The following CACNA2D4 variants were observed in gnomAD, a reference collection of about 807,000 sequenced individuals.
CACNA2D4 encodes voltage-dependent calcium channel subunit alpha-2/delta-4.
In CACNA2D4, 157 loss-of-function variants were observed where a neutral mutation model predicts 163.8. The observed-to-expected ratio is 0.96, with a 90% CI of 0.84 to 1.09. The LOEUF (loss-of-function observed/expected upper bound fraction) is 1.09, where lower values mean the gene tolerates loss of function less well. CACNA2D4 is among the 50% of genes least tolerant of loss of function. The pLI, the probability that CACNA2D4 is intolerant of heterozygous loss-of-function variation, is 0.00. For synonymous variants in CACNA2D4, 598 were observed against 586.9 expected (o/e 1.02, Z -0.27); for missense variants, 1,410 against 1,479.9 (o/e 0.95, Z 0.78).
chr12:1,884,818 C>T lies in CACNA2D4; in HGVS notation c.1222G>A (p.Val408Met), dbSNP rs201412060. The change falls in exon 11 of 38, where the codon GTG becomes ATG. Residue 408 changes from valine (V) to methionine (M), a missense_variant. Val to Met is a conservative substitution (Grantham distance 21, BLOSUM62 1). Coordinates refer to ENST00000382722, the MANE Select transcript of CACNA2D4 (RefSeq NM_172364.5). The part of the protein sequence containing the change: ...QAIMLISDGA[V>M]EDYEPVFEKY... ...TCAAACACCGGCTCGTAGTCCTCCACGGCGCCGTCGCTGATGAGCATGATG... is the reference window on the plus strand; with the variant it reads ...TCAAACACCGGCTCGTAGTCCTCCATGGCGCCGTCGCTGATGAGCATGATG... The T allele has an allele frequency of 1.2e-5, 20 of 1,613,760 alleles. No homozygotes were observed. Among genetic ancestry groups the T allele is most frequent in the East Asian group, 6.7e-5 (3 of 44,858 alleles).
At position 1,793,697 on chromosome 12, in the gene CACNA2D4, C is replaced by T; in HGVS notation, c.3372G>A (p.Leu1124=). The T allele has an allele frequency of 6.2e-7, 1 of 1,613,798 alleles. No homozygotes were observed. Among genetic ancestry groups the T allele is most frequent in the Non-Finnish European group, 8.5e-7 (1 of 1,179,906 alleles). Residue 1124 remains leucine, a synonymous_variant, in exon 38 of 38, where the codon CTG becomes CTA. Coordinates refer to ENST00000382722, the MANE Select transcript of CACNA2D4 (RefSeq NM_172364.5). ...DTSASPPLLL[L]PVCAWGLLPQ... ...GCAGTAGCCCCCAGGCACACACAGGCAGCAGGAGTAGGGGCGGCGAGGCTG... is the reference window on the plus strand; with the variant it reads ...GCAGTAGCCCCCAGGCACACACAGGTAGCAGGAGTAGGGGCGGCGAGGCTG...
rs539541332 is a variant in CACNA2D4, at chr12:1,883,312, G to C, written c.1352-312C>G. Reference sequence around the variant, plus strand: ...GTCAGCCTCTCCCTCTCCCAGCCTCGCCCTCCCACTTCCTCACAGGAACAT... The same window carrying C: ...GTCAGCCTCTCCCTCTCCCAGCCTCCCCCTCCCACTTCCTCACAGGAACAT... On this transcript the variant is annotated intron_variant, in intron 12 of 37. Transcript: ENST00000382722. This position sits in a 1 kb window ranked among gnomAD's most constrained non-coding sequence, Gnocchi z 4.5. Among the ~76,000 whole-genome samples the C allele has an allele frequency of 5.0e-4, 76 of 152,252 alleles. No homozygotes were observed. Among genetic ancestry groups the C allele is most frequent in the Non-Finnish European group, 9.1e-4 (62 of 68,004 alleles).
intron 18 of CACNA2D4, among the ~76,000 whole-genome samples, chr12:1,866,915 G>C (rs953213347): frequency 2.0e-5 from 3 of 151,794 alleles, no homozygotes; most frequent in African/African-American, 7.3e-5. Flanking sequence ...TTACAGGTGT[G>C]AGCTACTGCC....
chr12:1,793,413 CATGTTGAGACCTAGGGCAG>C lies in CACNA2D4; in HGVS notation c.*223_*241del, dbSNP rs1863029917. The C allele has an allele frequency of 6.8e-6, 4 of 584,950 alleles. No homozygotes were observed. Among genetic ancestry groups the C allele is most frequent in the Admixed American group, 5.9e-5 (2 of 34,118 alleles). The allele number at this position is 584,950 out of a possible 1,614,324, so 36.2% of individuals were successfully genotyped here. A position where few individuals can be genotyped will look rare whatever the true frequency, so the allele number is the denominator to read the frequency against. The stretch of plus-strand genomic sequence containing the variant: ...AGGAAGGTTAGGTCAGAAGTATGCT[CATGTTGAGACCTAGGGCAG>C]ATGGTACCGGGCACCATGAAGCATC... On this transcript the variant is annotated 3_prime_UTR_variant, in exon 38 of 38. Coordinates refer to ENST00000382722, the MANE Select transcript of CACNA2D4 (RefSeq NM_172364.5).
At position 1,913,083 on chromosome 12, in the gene CACNA2D4, C is replaced by G. The variant is rs1381412961; in HGVS notation, c.366G>C (p.Leu122=). ...LKIEEVDGLE[L]VRKFSEDMEN... ...CCATGTCCTCTGAGAACTTCCTCAC[C>G]AGCTCCAAGCCATCCACCTCCTCGA... is the stretch of plus-strand genomic sequence containing the variant. Residue 122 remains leucine, a synonymous_variant, in exon 3 of 38, where the codon CTG becomes CTC. Transcript: ENST00000382722. 6.2e-7 allele frequency: 1 copy of G among 1,613,932 alleles called. No individual in the cohort carries two copies. Among genetic ancestry groups the G allele is most frequent in the Non-Finnish European group, 8.5e-7 (1 of 1,179,848 alleles).
At chr12:1,854,794 A>G (rs931653968) in intron 22 of CACNA2D4, among the ~76,000 whole-genome samples, 4 of 152,172 alleles carry the variant, frequency 2.6e-5, no homozygotes, top group Admixed American at 2.6e-4. Context: ...TCTTTTTCCC[A>G]GTCTTTGCAT....
chr12:1,813,833 G>T (rs1863790726), intron 26 of CACNA2D4, among the ~76,000 whole-genome samples: 1 of 152,186 alleles, frequency 6.6e-6, no homozygotes, highest in Non-Finnish European at 1.5e-5. Flanking sequence ...TGACAAAGAT[G>T]AGAGCTGCAG....
intron 26 of CACNA2D4, among the ~76,000 whole-genome samples, chr12:1,826,410 C>CCCCCT (rs1555177897): frequency 1.3e-5 from 1 of 79,246 alleles, no homozygotes; most frequent in African/African-American, 3.5e-5. Flanking sequence ...GCCCCCCCCC[C>CCCCCT]CCCCCCGCCA....
At position 1,811,692 on chromosome 12, in the gene CACNA2D4, G is replaced by A; in HGVS notation, c.2583C>T (p.Leu861=). 1.3e-6 allele frequency: 2 copies of A among 1,561,538 alleles called. No homozygotes were observed. The highest frequency in any genetic ancestry group is 1.4e-5 in the African/African-American group (1 of 73,462). ...AAGVQMKLEF[L]QRKFWAATRQ... is the part of the protein sequence containing the mutation. ...GCGTTGCCGCCCAGAATTTGCGCTG[G>A]AGGAATTCCAGCTTCATTTGGACGC... is the stretch of plus-strand genomic sequence containing the variant. The change falls in exon 27 of 38, where the codon CTC becomes CTT. Residue 861 remains leucine (L), a synonymous_variant. Coordinates refer to ENST00000382722, the MANE Select transcript of CACNA2D4 (RefSeq NM_172364.5).
intron 1 of CACNA2D4, among the ~76,000 whole-genome samples, chr12:1,915,546 G>A (rs1411349623): frequency 1.3e-5 from 2 of 152,210 alleles, no homozygotes; most frequent in Non-Finnish European, 2.9e-5. Context: ...GGGGGCTGCC[G>A]AACCCTCTGT....
At chr12:1,859,538 C>A (rs572587821) in intron 19 of CACNA2D4, among the ~76,000 whole-genome samples, 1 of 152,200 alleles carries the variant, frequency 6.6e-6, no homozygotes, top group Non-Finnish European at 1.5e-5. Context: ...TACAGTTGCA[C>A]GGAACCTGAG....
intron 26 of CACNA2D4, among the ~76,000 whole-genome samples, chr12:1,819,053 C>T (rs1265851636): frequency 1.3e-5 from 2 of 150,424 alleles, no homozygotes; most frequent in Admixed American, 6.6e-5. Flanking sequence ...AAAGCTCCTG[C>T]ACAACATGAG....
Position 1,884,923 on chromosome 12 carries a change from C to T in CACNA2D4, c.1159-42G>A, listed in dbSNP as rs368904600. 103 of 1,599,514 alleles carry T rather than the reference C, an allele frequency of 6.4e-5. 1 individual carries two copies. The highest frequency in any genetic ancestry group is 2.8e-4 in the Admixed American group (17 of 59,978). Reference sequence around the variant, plus strand: ...AGTGCCCATGACCACAGGCCAAGCCCACCCCCCTCCACCTGCCGCCTTCCT... The same window carrying T: ...AGTGCCCATGACCACAGGCCAAGCCTACCCCCCTCCACCTGCCGCCTTCCT... On this transcript the variant is annotated intron_variant, in intron 10 of 37. Coordinates refer to ENST00000382722, the MANE Select transcript of CACNA2D4 (RefSeq NM_172364.5).
chr12:1,795,588 G>C, intron 36 of CACNA2D4, 80 bp downstream of exon 36: 1 of 1,065,790 alleles, frequency 9.4e-7, no homozygotes, highest in Non-Finnish European at 1.4e-6. Context: ...GGCTGGCCCC[G>C]CTGCTCAAAA....
Position 1,856,209 on chromosome 12 carries a change from G to C in CACNA2D4, c.2029C>G (p.Pro677Ala), listed in dbSNP as rs1474670979. 6.2e-7 allele frequency: 1 copy of C among 1,614,030 alleles called. No individual in the cohort carries two copies. The highest frequency in any genetic ancestry group is 8.5e-7 in the Non-Finnish European group (1 of 1,179,900). ...VEEGLHDLLH[P>A]DLALAGDWIY... ...CAGTCACCGGCCAGGGCCAGGTCTG[G>C]GTGAAGCAAGTCATGCAGGCCTGAA... The change falls in exon 21 of 38, where the codon CCA becomes GCA. Residue 677 changes from proline to alanine, a missense_variant. Physicochemically the swap from Pro to Ala is conservative, Grantham distance 27. Coordinates refer to ENST00000382722, the MANE Select transcript of CACNA2D4 (RefSeq NM_172364.5).
chr12:1,877,189 G>A (rs1396997081), intron 16 of CACNA2D4, among the ~76,000 whole-genome samples: 1 of 152,234 alleles, frequency 6.6e-6, no homozygotes, highest in Non-Finnish European at 1.5e-5. Flanking sequence ...TCAGGCACGA[G>A]GAGGCCCACA....
rs1555177895 is a variant in CACNA2D4 at position 1,826,410 on chromosome 12, C to CT, written c.2551+14328_2551+14329insA. Among the ~76,000 whole-genome samples, 15 of 79,322 alleles carry CT rather than the reference C, an allele frequency of 1.9e-4. No individual in the cohort carries two copies. In the East Asian group the frequency reaches 5.3e-3, roughly 28 times the overall value. The allele number at this position is 79,322 out of a possible 152,430, so 52.0% of individuals were successfully genotyped here. On this transcript the variant is annotated intron_variant, in intron 26 of 37. Coordinates refer to ENST00000382722, the MANE Select transcript of CACNA2D4 (RefSeq NM_172364.5). ...AGATTTGAACCCAGAGCCCCCCCCC[C>CT]CCCCCCGCCAACTGGCACCAGGAGC... is the stretch of plus-strand genomic sequence containing the variant.
intron 30 of CACNA2D4, 25 bp downstream of exon 30, chr12:1,801,549 C>T (rs1194848163): frequency 6.5e-7 from 1 of 1,548,396 alleles, no homozygotes; most frequent in East Asian, 2.4e-5. Context: ...TCTATTTGGA[C>T]TGGGGAGGAG....
At chr12:1,905,401 G>A (rs896344051) in intron 6 of CACNA2D4, among the ~76,000 whole-genome samples, 5 of 151,946 alleles carry the variant, frequency 3.3e-5, no homozygotes, top group Non-Finnish European at 7.4e-5. Flanking sequence ...ATTCAAACTG[G>A]AAAGAAAGAA....
Sources: allele counts gnomAD v4.1 joint callset (sites outside exome capture counted in the v4.1 genomes callset), GRCh38; gene constraint gnomAD v4.1.1; non-coding constraint Gnocchi (gnomAD v3.1); transcripts MANE v1.5; gene names NCBI Gene and HGNC (gene_info 2026-07-23, HGNC 2026-07-21).